Variants in SOS1 observed in about 807,000 individuals in gnomAD.
SOS1 encodes the protein son of sevenless homolog 1.
SOS1 carries 25 observed loss-of-function variants against 157.6 expected under a neutral mutation model. The ratio of observed to expected loss-of-function variants is 0.16; its 90% CI spans 0.12 to 0.22. The LOEUF is 0.22. Among genes scored for constraint, SOS1 ranks in the 10% least tolerant of loss-of-function variants. The pLI is 1.00. For missense variants in SOS1, 1,237 were observed against 1,599.1 expected, an observed-to-expected ratio of 0.77 and a Z score of 3.86; for synonymous variants, 528 against 534.0, an observed-to-expected ratio of 0.99 and a Z score of 0.16.
chr2:39,120,481 C>T lies in SOS1; in HGVS notation c.-59G>A. The T allele has an allele frequency of 6.9e-7, 1 of 1,441,254 alleles. No homozygotes were observed. The highest frequency in any genetic ancestry group is 9.1e-7 in the Non-Finnish European group (1 of 1,093,836). The allele number at this position is 1,441,254 out of a possible 1,614,324, so 89.3% of individuals were successfully genotyped here. A position where few individuals can be genotyped will look rare whatever the true frequency, so the allele number is the denominator to read the frequency against. ...GGCGGCGGCGGCCGGGCCAGGGAGCCGCGAGAGGGCGAGCTCGCAGCGCGG... is the reference window on the plus strand; with the variant it reads ...GGCGGCGGCGGCCGGGCCAGGGAGCTGCGAGAGGGCGAGCTCGCAGCGCGG... On this transcript the variant is annotated 5_prime_UTR_variant, in exon 1 of 23. Coordinates refer to ENST00000402219, the MANE Select transcript of SOS1 (RefSeq NM_005633.4).
chr2:39,100,881 T>C (rs1160476669), intron 1 of SOS1, among the ~76,000 whole-genome samples: 1 of 152,166 alleles, frequency 6.6e-6, no homozygotes, highest in Non-Finnish European at 1.5e-5. Flanking sequence ...ACTGCACCAC[T>C]GCACTCCAGC....
At chr2:39,124,039 G>T (rs1673988956), upstream of SOS1, 1 of 152,320 alleles carries the variant, frequency 6.6e-6, no homozygotes. Context: ...GACAGGGCGG[G>T]TAACTGGAGA....
Position 39,022,564 on chromosome 2 carries a change from T to C in SOS1, c.1858+6A>G. The C allele has an allele frequency of 2.5e-6, 4 of 1,609,778 alleles. No homozygotes were observed. Among genetic ancestry groups the C allele is most frequent in the Non-Finnish European group, 1.7e-6 (2 of 1,176,290 alleles). ...CAAAAGTGACAGGCAACTGCATAAT[T>C]CTTACCTGCGTACATATGGTACGTA... On this transcript the variant is annotated splice_donor_region_variant and intron_variant, in intron 10 of 22. Transcript: ENST00000402219.
At chr2:39,074,596 G>A (rs974878896) in intron 1 of SOS1, among the ~76,000 whole-genome samples, 8 of 152,036 alleles carry the variant, frequency 5.3e-5, no homozygotes, top group Admixed American at 2.0e-4. Context: ...GGCTGGGCAC[G>A]GTGGCTCATG....
chr2:39,092,512 CCTTTATTTT>C (rs1383661731), intron 1 of SOS1, among the ~76,000 whole-genome samples: 3 of 152,176 alleles, frequency 2.0e-5, no homozygotes, highest in Non-Finnish European at 2.9e-5. Flanking sequence ...ATCACAACCT[CCTTTATTTT>C]CTTTATTTTA....
chr2:39,058,260 T>C (rs1345936877), intron 3 of SOS1, among the ~76,000 whole-genome samples: 9 of 152,026 alleles, frequency 5.9e-5, no homozygotes, highest in Non-Finnish European at 1.2e-4. Context: ...TATCTTTTTG[T>C]TCCAAGATTA....
chr2:39,081,654 G>A (rs1390485704), intron 1 of SOS1, among the ~76,000 whole-genome samples: 1 of 151,810 alleles, frequency 6.6e-6, no homozygotes, highest in Non-Finnish European at 1.5e-5. Context: ...GCGAAACGCC[G>A]TCTCTACTAA....
At chr2:39,044,880 A>G (rs563490077) in intron 6 of SOS1, among the ~76,000 whole-genome samples, 37 of 150,664 alleles carry the variant, frequency 2.5e-4, no homozygotes, top group African/African-American at 8.6e-4. Flanking sequence ...ACACACACAC[A>G]CTCTGTTGTC....
intron 15 of SOS1, among the ~76,000 whole-genome samples, chr2:39,009,470 T>G (rs747938878): frequency 1.3e-5 from 2 of 152,170 alleles, no homozygotes; most frequent in Non-Finnish European, 2.9e-5. Context: ...GTGTAATTAT[T>G]AAAGACATTT....
At chr2:39,123,201 C>T (rs975827216), upstream of SOS1, among the ~76,000 whole-genome samples, 3 of 152,124 alleles carry the variant, frequency 2.0e-5, no homozygotes, top group South Asian at 2.1e-4. Context: ...AGGCCTTCTC[C>T]GATCACTCCA....
In SOS1 at chr2:39,039,877, A is replaced by G. The variant is rs947703540; in HGVS notation, c.865-4377T>C. Among the ~76,000 whole-genome samples, 3 of 152,184 alleles carry G rather than the reference A, an allele frequency of 2.0e-5. No individual in the cohort carries two copies. In the South Asian group the frequency reaches 6.2e-4, roughly 32 times the overall value. ...ATAAATCTACTTTTTGTCTCCATGG[A>G]TTTGCCTATTCTGGATATTACATGT... is the stretch of plus-strand genomic sequence containing the variant. On this transcript the variant is annotated intron_variant, in intron 6 of 22. Coordinates refer to ENST00000402219, the MANE Select transcript of SOS1 (RefSeq NM_005633.4).
In SOS1 at chr2:39,035,477, T is replaced by G. The variant is rs1335105269; in HGVS notation, c.888A>C (p.Glu296Asp). 6.2e-7 allele frequency: 1 copy of G among 1,612,430 alleles called. No homozygotes were observed. The highest frequency in any genetic ancestry group is 8.5e-7 in the Non-Finnish European group (1 of 1,178,542). The change falls in exon 7 of 23, where the codon GAA (glutamate) becomes GAC (aspartate). Residue 296 changes from glutamate (E) to aspartate (D), a missense_variant. Physicochemically the swap from Glu to Asp is conservative, Grantham distance 45 (BLOSUM62 2). This residue lies in a region of SOS1 where 101 missense variants were observed against 171.5 expected (regional missense o/e 0.59). Transcript: ENST00000402219. ...LAEELAFDPYESYARDILRPG... is the reference protein window; with the variant it reads ...LAEELAFDPYDSYARDILRPG... ...GTCGCAAAATATCTCGAGCATACGA[T>G]TCATATGGATCAAATGCCAGTTCCT...
At chr2:39,118,868 C>G (rs1199472878) in intron 1 of SOS1, among the ~76,000 whole-genome samples, 5 of 152,204 alleles carry the variant, frequency 3.3e-5, no homozygotes, top group Admixed American at 3.3e-4. Context: ...AATTAAACAA[C>G]GTCTGTCAAC....
chr2:39,115,678 T>A (rs1031444103), intron 1 of SOS1, among the ~76,000 whole-genome samples: 22 of 152,160 alleles, frequency 1.4e-4, no homozygotes, highest in African/African-American at 5.3e-4. Context: ...GCTCAAGTAA[T>A]CCTCCCACTT....
At position 39,116,564 on chromosome 2, in the gene SOS1, G is replaced by A. The variant is rs142599686; in HGVS notation, c.87+3772C>T. On this transcript the variant is annotated intron_variant, in intron 1 of 22. Coordinates refer to ENST00000402219, the MANE Select transcript of SOS1 (RefSeq NM_005633.4). ...GAATTTTCTAAAATTAAAATGTGCT[G>A]TTACTCCCCTACTTAAAACTTATTG... Among the ~76,000 whole-genome samples, 3 of 152,312 alleles carry A rather than the reference G, an allele frequency of 2.0e-5. No individual in the cohort carries two copies. In the East Asian group the frequency reaches 5.8e-4, roughly 29 times the overall value.
intron 1 of SOS1, among the ~76,000 whole-genome samples, chr2:39,108,486 C>T (rs542283373): frequency 1.1e-4 from 16 of 152,242 alleles, no homozygotes; most frequent in Non-Finnish European, 1.6e-4. Context: ...CTCCAAGCTA[C>T]CACAAATCCT....
chr2:38,995,949 A>G (rs1305905954), intron 19 of SOS1, among the ~76,000 whole-genome samples: 1 of 152,172 alleles, frequency 6.6e-6, no homozygotes, highest in African/African-American at 2.4e-5. Context: ...ATAATTTTCT[A>G]TTTTTAATCC....
At chr2:39,111,760 G>A (rs956533637) in intron 1 of SOS1, among the ~76,000 whole-genome samples, 5 of 144,092 alleles carry the variant, frequency 3.5e-5, no homozygotes, top group South Asian at 2.2e-4. Flanking sequence ...ACGGAGTTTC[G>A]CTCTTGTTGC....
intron 1 of SOS1, among the ~76,000 whole-genome samples, chr2:39,107,292 T>A (rs188102630): frequency 1.3e-5 from 2 of 152,278 alleles, no homozygotes; most frequent in Admixed American, 6.5e-5. Context: ...TGTGTTTGTG[T>A]CGAGGCCAGT....
Sources: gnomAD v4.1 joint callset for allele counts (sites outside exome capture counted in the v4.1 genomes callset) on GRCh38, gnomAD v4.1.1 for gene constraint, gnomAD v4.1.1 regional missense constraint, MANE v1.5 for transcripts, NCBI Gene and HGNC (gene_info 2026-07-23, HGNC 2026-07-21) for gene names.